IFT88: variants seen among roughly 807,000 people sequenced by gnomAD.
The protein encoded by IFT88 is intraflagellar transport 88, also known as intraflagellar transport protein 88 homolog.
A neutral mutation model predicts 119.5 loss-of-function variants in IFT88; 74 were observed. The observed-to-expected ratio is 0.62, with a 90% CI of 0.51 to 0.75. The LOEUF is 0.75. Ranked by LOEUF, IFT88 falls within the 30% of genes least tolerant of loss-of-function variation. The pLI, the probability that IFT88 is intolerant of heterozygous loss-of-function variation, is 0.00. For missense variants in IFT88, 961 were observed against 977.7 expected (o/e 0.98, Z 0.23); for synonymous variants, 279 against 316.7 (o/e 0.88, Z 1.26).
intron 14 of IFT88, among the ~76,000 whole-genome samples, chr13:20,619,541 C>T (rs1004137442): frequency 2.6e-5 from 4 of 151,998 alleles, no homozygotes; most frequent in African/African-American, 4.8e-5. Flanking sequence ...TCCATGTCCT[C>T]GCATGTAGCT....
At chr13:20,597,204 A>G (rs2041793292) in intron 9 of IFT88, 85 bp downstream of exon 9, 3 of 629,018 alleles carry the variant, frequency 4.8e-6, no homozygotes, top group Admixed American at 7.0e-5. Context: ...TTTATTTTTA[A>G]AATCTTACTG....
chr13:20,569,848 G>C lies in IFT88; in HGVS notation c.-7+2592G>C, dbSNP rs147768664. On this transcript the variant is annotated intron_variant, in intron 1 of 25. Coordinates refer to ENST00000351808, the MANE Select transcript of IFT88 (RefSeq NM_006531.5). ...TCGAGACCATACCGGCTAATACGGT[G>C]AAACCCCATCTCTACTAAAAATAAA... Among the ~76,000 whole-genome samples the C allele has an allele frequency of 3.2e-4, 48 of 151,770 alleles. 2 individuals are homozygous for C. The highest frequency in any genetic ancestry group is 1.1e-3 in the African/African-American group (45 of 41,344).
In IFT88 at chr13:20,650,139, A is replaced by G. The variant is rs2497500; in HGVS notation, c.1950-3737A>G. 3.2e-3 allele frequency among the ~76,000 whole-genome samples: 483 copies of G among 152,244 alleles called. 5 individuals are homozygous for G. Among genetic ancestry groups the G allele is most frequent in the African/African-American group, 0.011 (445 of 41,556 alleles). ...TCCTAACTCAGTCAGTGAGGCCAGC[A>G]TTATCCTTATCCTAAAGGTAAACAA... On this transcript the variant is annotated intron_variant, in intron 20 of 25. Transcript: ENST00000351808.
At chr13:20,582,668 G>A (rs1320088862) in intron 2 of IFT88, among the ~76,000 whole-genome samples, 1 of 152,130 alleles carries the variant, frequency 6.6e-6, no homozygotes, top group African/African-American at 2.4e-5. Flanking sequence ...CCACATCCTT[G>A]TATACTTGAT....
intron 13 of IFT88, chr13:20,607,599 C>G (rs1239128956): frequency 1.3e-6 from 1 of 757,318 alleles, no homozygotes; most frequent in Non-Finnish European, 2.4e-6. Context: ...TCTCCCGCTG[C>G]TCAACATCTT....
chr13:20,611,831 C>T (rs2044595847), intron 13 of IFT88, among the ~76,000 whole-genome samples: 1 of 152,102 alleles, frequency 6.6e-6, no homozygotes, highest in Non-Finnish European at 1.5e-5. Flanking sequence ...GTCTTGAACT[C>T]CTGACCTCAG....
In IFT88 at chr13:20,663,612, A is replaced by C. The variant is rs1185740702; in HGVS notation, c.2175+8A>C. ...AAAGAAATAAGGGAACAGGTATCTC[A>C]TATGGGCCCCAAACTGCAGTCTGTT... is the stretch of plus-strand genomic sequence containing the variant. On this transcript the variant is annotated splice_region_variant and intron_variant, in intron 23 of 25. Transcript: ENST00000351808. 7.7e-5 allele frequency: 121 copies of C among 1,575,806 alleles called. No homozygotes were observed. The highest frequency in any genetic ancestry group is 9.2e-5 in the Non-Finnish European group (105 of 1,146,884).
chr13:20,646,467 T>C (rs1282850923), intron 20 of IFT88, among the ~76,000 whole-genome samples: 1 of 45,702 alleles, frequency 2.2e-5, no homozygotes, highest in Admixed American at 3.4e-4. Context: ...TGCACCCGGC[T>C]AATTTTTGTT....
In IFT88 at chr13:20,590,955, T is replaced by C. The variant is rs764547853; in HGVS notation, c.211-12T>C. 1 of 1,592,062 alleles carries C rather than the reference T, an allele frequency of 6.3e-7. No homozygotes were observed. Among genetic ancestry groups the C allele is most frequent in the South Asian group, 1.1e-5 (1 of 88,542 alleles). ...TTAGGAATCTTTTTAACTTAACTTT[T>C]CTGTTTACTAGTCCAAGACATCTCT... On this transcript the variant is annotated splice_polypyrimidine_tract_variant and intron_variant, in intron 4 of 25. Transcript: ENST00000351808.
At chr13:20,598,072 GC>G (rs1239950650) in intron 9 of IFT88, among the ~76,000 whole-genome samples, 2 of 152,076 alleles carry the variant, frequency 1.3e-5, no homozygotes, top group African/African-American at 4.8e-5. Flanking sequence ...GGTTTCATAT[GC>G]TAAACACATA....
chr13:20,672,390 C>G (rs1354645693), intron 24 of IFT88, among the ~76,000 whole-genome samples: 2 of 152,124 alleles, frequency 1.3e-5, no homozygotes, highest in Non-Finnish European at 2.9e-5. Context: ...GCCCAAGCCT[C>G]AAGAGTACCA....
chr13:20,618,868 T>C lies in IFT88; in HGVS notation c.1199+2989T>C, dbSNP rs1052534168. Among the ~76,000 whole-genome samples the C allele has an allele frequency of 2.1e-3, 324 of 151,972 alleles. 1 individual carries two copies. Among genetic ancestry groups the C allele is most frequent in the African/African-American group, 7.0e-3 (291 of 41,430 alleles). On this transcript the variant is annotated intron_variant, in intron 14 of 25. Transcript: ENST00000351808. ...TAAATTATTTTTTTTTCCCTTTTTT[T>C]TTTTTGAGATGGAGTCTCACTCTTG... is the stretch of plus-strand genomic sequence containing the variant.
chr13:20,610,926 C>T (rs966510461), intron 13 of IFT88, among the ~76,000 whole-genome samples: 1 of 151,766 alleles, frequency 6.6e-6, no homozygotes, highest in African/African-American at 2.4e-5. Context: ...ATCACTTGAT[C>T]CCAGGGGTTT....
At chr13:20,644,996 ATGTCT>A (rs1472487706) in intron 20 of IFT88, 38 bp downstream of exon 20, 3 of 972,004 alleles carry the variant, frequency 3.1e-6, no homozygotes, top group Non-Finnish European at 4.8e-6. Flanking sequence ...AGTTAATGTC[ATGTCT>A]TGAGTTTTTT....
intron 23 of IFT88, among the ~76,000 whole-genome samples, chr13:20,667,058 T>G (rs889104679): frequency 2.0e-5 from 3 of 152,262 alleles, no homozygotes; most frequent in Non-Finnish European, 4.4e-5. Context: ...TCCGTCACTT[T>G]GTGCTCCATA....
intron 3 of IFT88, among the ~76,000 whole-genome samples, chr13:20,585,719 G>T (rs181044489): frequency 1.3e-5 from 2 of 152,216 alleles, no homozygotes; most frequent in African/African-American, 4.8e-5. Context: ...CATTTCAGGG[G>T]TGTAGAAATC....
chr13:20,615,738 C>A, intron 13 of IFT88, 55 bp from the exon 14 acceptor site: 1 of 1,013,764 alleles, frequency 9.9e-7, no homozygotes, highest in Non-Finnish European at 1.4e-6. Context: ...TTTAGGAAAT[C>A]CAAACTATTT....
intron 24 of IFT88, among the ~76,000 whole-genome samples, chr13:20,685,710 A>G (rs73433397): frequency 0.21 from 32,226 of 152,034 alleles, 3,949 homozygotes; most frequent in African/African-American, 0.31. Flanking sequence ...TGAGACCCTG[A>G]CTCTACTAAA....
chr13:20,635,068 C>A (rs1490428830), intron 16 of IFT88, among the ~76,000 whole-genome samples: 1 of 150,760 alleles, frequency 6.6e-6, no homozygotes, highest in Non-Finnish European at 1.5e-5. Flanking sequence ...TTTGTCCTGG[C>A]AATAGTTTGC....
Sources: allele counts gnomAD v4.1 joint callset (sites outside exome capture counted in the v4.1 genomes callset), GRCh38; gene constraint gnomAD v4.1.1; transcripts MANE v1.5; gene names NCBI Gene and HGNC (gene_info 2026-07-23, HGNC 2026-07-21).